Variants in STK3 observed in about 807,000 individuals in gnomAD.
STK3 encodes the protein serine/threonine kinase 3.
STK3 carries 41 observed loss-of-function variants against 58.0 expected under a neutral mutation model. The observed-to-expected ratio is 0.71, with a 90% CI of 0.55 to 0.92. STK3 has a LOEUF of 0.92. Ranked by LOEUF, STK3 falls within the 40% of genes least tolerant of loss-of-function variation. The probability of loss-of-function intolerance (pLI) is 0.00; values close to 1 mark genes in which losing one functional copy is unlikely to be tolerated. For missense variants in STK3, 479 were observed against 602.7 expected (o/e 0.79, Z 2.15); for synonymous variants, 170 against 191.0 (o/e 0.89, Z 0.91).
intron 6 of STK3, among the ~76,000 whole-genome samples, chr8:98,639,109 A>ATT (rs1421133622): frequency 6.8e-6 from 1 of 146,650 alleles, no homozygotes; most frequent in African/African-American, 2.5e-5. Context: ...AAGGAGATAC[A>ATT]CTTTTTTTTT....
chr8:98,663,485 T>C lies in STK3; in HGVS notation c.684+42982A>G, dbSNP rs972218282. On this transcript the variant is annotated intron_variant, in intron 6 of 10. Transcript: ENST00000419617. The stretch of plus-strand genomic sequence containing the variant: ...TGGTGATTCCTCAGGGATCTAGAAC[T>C]AGAAATACCATTTGACCCAGCCATC... Among the ~76,000 whole-genome samples the C allele has an allele frequency of 3.3e-5, 5 of 152,140 alleles. No individual in the cohort carries two copies. In the South Asian group the frequency reaches 6.2e-4, roughly 19 times the overall value.
chr8:98,534,624 G>C (rs1169812659), intron 9 of STK3, among the ~76,000 whole-genome samples: 5 of 152,124 alleles, frequency 3.3e-5, no homozygotes. Flanking sequence ...AATTTGATGG[G>C]TTACATTACT....
intron 2 of STK3, among the ~76,000 whole-genome samples, chr8:98,377,927 C>A (rs552710021): frequency 6.6e-6 from 1 of 152,152 alleles, no homozygotes; most frequent in Non-Finnish European, 1.5e-5. Flanking sequence ...CTCTCTCCTG[C>A]CTCTTGTGGG....
chr8:98,657,112 A>G (rs186591148), intron 6 of STK3, among the ~76,000 whole-genome samples: 2 of 152,242 alleles, frequency 1.3e-5, no homozygotes, highest in Admixed American at 1.3e-4. Context: ...AAGAGCTAAG[A>G]AAAAATAAGG....
At chr8:98,744,035 C>G (rs912001700) in intron 4 of STK3, among the ~76,000 whole-genome samples, 2 of 151,900 alleles carry the variant, frequency 1.3e-5, no homozygotes, top group Non-Finnish European at 2.9e-5. Flanking sequence ...AATGAGATAC[C>G]ATCTCACACC....
intron 1 of STK3, among the ~76,000 whole-genome samples, chr8:98,780,184 T>C (rs1300296592): frequency 2.0e-5 from 3 of 151,596 alleles, no homozygotes; most frequent in Non-Finnish European, 2.9e-5. Flanking sequence ...ATATGTTATA[T>C]AAATATATAT....
At chr8:98,423,099 T>C (rs557756347) in intron 3 of STK3, among the ~76,000 whole-genome samples, 2 of 152,314 alleles carry the variant, frequency 1.3e-5, no homozygotes, top group African/African-American at 2.4e-5. Flanking sequence ...AGTTCCCTTC[T>C]TGATGCATCA....
chr8:98,579,869 A>T (rs1036303029), intron 7 of STK3, 80 bp from the exon 8 acceptor site: 4 of 1,274,664 alleles, frequency 3.1e-6, no homozygotes, highest in Non-Finnish European at 4.2e-6. Flanking sequence ...CAACATGTAA[A>T]TGTTAACCAG....
chr8:98,735,931 T>C (rs986512197), intron 4 of STK3, among the ~76,000 whole-genome samples: 1 of 152,154 alleles, frequency 6.6e-6, no homozygotes, highest in Admixed American at 6.5e-5. Flanking sequence ...AATCAGATAA[T>C]TTGTTTTATG....
intron 6 of STK3, among the ~76,000 whole-genome samples, chr8:98,679,231 A>G (rs577591210): frequency 9.8e-5 from 15 of 152,328 alleles, no homozygotes; most frequent in African/African-American, 3.6e-4. Flanking sequence ...ATTCAGAATA[A>G]AAGTCTAAGC....
At chr8:98,589,906 C>G (rs979678019) in intron 7 of STK3, among the ~76,000 whole-genome samples, 12 of 152,212 alleles carry the variant, frequency 7.9e-5, no homozygotes, top group Non-Finnish European at 1.8e-4. Flanking sequence ...AAAGGGAACC[C>G]CCTGACCCCT....
chr8:98,788,405 T>C, intron 1 of STK3, among the ~76,000 whole-genome samples: 1 of 151,088 alleles, frequency 6.6e-6, no homozygotes, highest in Non-Finnish European at 1.5e-5. Flanking sequence ...ACCACTGCAC[T>C]CCAGCCTGGG....
At chr8:98,515,568 G>T (rs1824865946) in intron 10 of STK3, among the ~76,000 whole-genome samples, 1 of 151,978 alleles carries the variant, frequency 6.6e-6, no homozygotes, top group Non-Finnish European at 1.5e-5. Flanking sequence ...CTTGACTGAT[G>T]GCTTTACTTC....
intron 10 of STK3, among the ~76,000 whole-genome samples, chr8:98,497,451 C>T (rs542779129): frequency 2.0e-5 from 3 of 152,070 alleles, no homozygotes; most frequent in African/African-American, 7.2e-5. Flanking sequence ...GGAAACTGGA[C>T]TTTATCAAAA....
chr8:98,779,578 C>T (rs1031687085), intron 1 of STK3, among the ~76,000 whole-genome samples: 1 of 152,076 alleles, frequency 6.6e-6, no homozygotes, highest in Non-Finnish European at 1.5e-5. Context: ...AAGGTAGATA[C>T]AAAAATTTCA....
intron 1 of STK3, among the ~76,000 whole-genome samples, chr8:98,924,269 C>T (rs1377805249): frequency 6.6e-6 from 1 of 152,196 alleles, no homozygotes; most frequent in Non-Finnish European, 1.5e-5. Context: ...CTGATTGCTT[C>T]CCTTGTCAAT....
downstream of STK3, among the ~76,000 whole-genome samples, chr8:98,399,256 A>G (rs1024104297): frequency 6.6e-6 from 1 of 152,238 alleles, no homozygotes; most frequent in African/African-American, 2.4e-5. Context: ...TCAGCCTGAA[A>G]TCTCACATTA....
intron 4 of STK3, among the ~76,000 whole-genome samples, chr8:98,724,902 C>T (rs1032685008): frequency 2.0e-5 from 3 of 152,150 alleles, no homozygotes; most frequent in African/African-American, 7.2e-5. Context: ...CTGAAAGTGC[C>T]TTAGCACTAA....
At chr8:98,700,212 C>G (rs567239712) in intron 6 of STK3, among the ~76,000 whole-genome samples, 6 of 152,186 alleles carry the variant, frequency 3.9e-5, no homozygotes, top group South Asian at 2.1e-4. Flanking sequence ...TTTTAAGCCC[C>G]TCGGAAAAGC....
Sources: allele counts gnomAD v4.1 joint callset (sites outside exome capture counted in the v4.1 genomes callset), GRCh38; gene constraint gnomAD v4.1.1; transcripts MANE v1.5; gene names NCBI Gene and HGNC (gene_info 2026-07-23, HGNC 2026-07-21).